The following LTA4H variants were observed in gnomAD, a reference collection of about 807,000 sequenced individuals.
LTA4H encodes the protein leukotriene A-4 hydrolase.
Under a neutral mutation model 89.8 loss-of-function variants are expected in LTA4H, and 59 were observed. The observed-to-expected ratio is 0.66, with a 90% CI of 0.53 to 0.82. The LOEUF (loss-of-function observed/expected upper bound fraction) is 0.82, where lower values mean the gene tolerates loss of function less well. Ranked by LOEUF, LTA4H falls within the 40% of genes least tolerant of loss-of-function variation. The pLI is 0.00. For missense variants in LTA4H, 617 were observed against 727.0 expected, an observed-to-expected ratio of 0.85 and a Z score of 1.74; for synonymous variants, 227 against 253.1, an observed-to-expected ratio of 0.90 and a Z score of 0.98.
At chr12:96,041,340 C>T (rs1485886897) in intron 1 of LTA4H, among the ~76,000 whole-genome samples, 3 of 152,058 alleles carry the variant, frequency 2.0e-5, no homozygotes, top group African/African-American at 7.2e-5. Context: ...TGGAAGACTG[C>T]AGCAGTACCT....
intron 15 of LTA4H, among the ~76,000 whole-genome samples, chr12:96,007,080 C>T (rs1950214242): frequency 6.6e-6 from 1 of 152,114 alleles, no homozygotes; most frequent in South Asian, 2.1e-4. Flanking sequence ...TCAAATAGGA[C>T]AGAAGGAAAA....
At chr12:96,037,468 CGAAGTAA>C (rs1950658036), upstream of LTA4H, among the ~76,000 whole-genome samples, 1 of 152,050 alleles carries the variant, frequency 6.6e-6, no homozygotes, top group Non-Finnish European at 1.5e-5. Flanking sequence ...CGAGGACCAC[CGAAGTAA>C]GAAGTGAAAA....
intron 1 of LTA4H, chr12:96,043,227 G>T (rs1950701529): frequency 8.4e-7 from 1 of 1,184,246 alleles, no homozygotes. Context: ...TGAATTGAAG[G>T]GGTAGGCAGG....
Position 96,000,882 on chromosome 12 carries a change from A to G in LTA4H, c.*107T>C, listed in dbSNP as rs1374758318. 5.1e-6 allele frequency: 4 copies of G among 782,554 alleles called. No homozygotes were observed. The highest frequency in any genetic ancestry group is 1.7e-5 in the African/African-American group (1 of 58,038). The allele number at this position is 782,554 out of a possible 1,614,324, so 48.5% of individuals were successfully genotyped here. ...AGTAAAATCACCAACAAAACAATAA[A>G]AAGCCAAAACTAAAAAGACAGTTTT... is the stretch of plus-strand genomic sequence containing the variant. On this transcript the variant is annotated 3_prime_UTR_variant, in exon 19 of 19. Transcript: ENST00000228740.
chr12:96,021,644 C>A (rs1235665445), intron 5 of LTA4H, among the ~76,000 whole-genome samples: 1 of 150,592 alleles, frequency 6.6e-6, no homozygotes, highest in Non-Finnish European at 1.5e-5. Context: ...GTCAAATTAT[C>A]CATTGTGAGG....
chr12:96,040,237 A>T (rs1566021706), upstream of LTA4H, among the ~76,000 whole-genome samples: 1 of 152,230 alleles, frequency 6.6e-6, no homozygotes, highest in Non-Finnish European at 1.5e-5. Context: ...ACAATTCTGA[A>T]GGTACAAAGT....
At chr12:96,003,804 C>A in intron 17 of LTA4H, 34 bp downstream of exon 17, 1 of 1,499,220 alleles carries the variant, frequency 6.7e-7, no homozygotes, top group Admixed American at 1.7e-5. Context: ...TAGTTTTCTG[C>A]TTTCTTCCAC....
chr12:96,003,167 A>C (rs1950136614), intron 17 of LTA4H, 103 bp from the exon 18 acceptor site: 1 of 719,226 alleles, frequency 1.4e-6, no homozygotes, highest in Non-Finnish European at 2.4e-6. Context: ...GAATAACCCC[A>C]CTATAGTTAT....
At chr12:96,004,048 A>C in intron 16 of LTA4H, 128 bp from the exon 17 acceptor site, 1 of 444,884 alleles carries the variant, frequency 2.2e-6, no homozygotes, top group Non-Finnish European at 3.9e-6. Flanking sequence ...AGTCAGATAA[A>C]AATAAAAGAA....
Position 96,022,344 on chromosome 12 carries a change from G to T in LTA4H, c.481-93C>A, listed in dbSNP as rs922989206. 1.3e-6 allele frequency: 1 copy of T among 783,870 alleles called. No individual in the cohort carries two copies. The highest frequency in any genetic ancestry group is 2.1e-6 in the Non-Finnish European group (1 of 478,814). The allele number at this position is 783,870 out of a possible 1,614,324, so 48.6% of individuals were successfully genotyped here. ...AAAATAACCTTTTCTTCCCATTCTT[G>T]ACTATCTAATAAACAGACTATGAAC... On this transcript the variant is annotated intron_variant, in intron 4 of 18. Coordinates refer to ENST00000228740, the MANE Select transcript of LTA4H (RefSeq NM_000895.3). The surrounding 1 kb of genome is among the most constrained non-coding windows in gnomAD (Gnocchi z 4.0).
At chr12:96,006,257 A>G in intron 16 of LTA4H, 57 bp downstream of exon 16, 2 of 1,083,924 alleles carry the variant, frequency 1.8e-6, no homozygotes, top group Non-Finnish European at 2.7e-6. Context: ...TGGGTAGAAC[A>G]TAAATGCTGT....
At chr12:96,042,184 G>A (rs1388316459) in intron 1 of LTA4H, among the ~76,000 whole-genome samples, 1 of 151,750 alleles carries the variant, frequency 6.6e-6, no homozygotes, top group Admixed American at 6.6e-5. Context: ...TTGTTTGTTT[G>A]TAGTGACAGG....
intron 1 of LTA4H, among the ~76,000 whole-genome samples, chr12:96,032,211 C>T (rs1391580118): frequency 6.6e-6 from 1 of 152,144 alleles, no homozygotes; most frequent in Non-Finnish European, 1.5e-5. Flanking sequence ...TGTAAATAAC[C>T]CAAAACTTGA....
intron 14 of LTA4H, chr12:96,011,794 CT>C (rs1161910041): frequency 3.9e-5 from 6 of 152,156 alleles, no homozygotes; most frequent in Non-Finnish European, 8.8e-5. Context: ...CCCCAAACGT[CT>C]CTTCTCTCAG....
chr12:96,035,474 C>A lies in LTA4H; in HGVS notation c.46G>T (p.Val16Phe). 4 of 1,608,870 alleles carry A rather than the reference C, an allele frequency of 2.5e-6. No homozygotes were observed. The South Asian group carries it at 4.4e-5, about 18-fold the overall frequency. The change falls in exon 1 of 19, where the codon GTC becomes TTC. Residue 16 changes from valine to phenylalanine, a missense_variant. By Grantham distance (50) the Val-to-Phe change is conservative. This residue lies in a region of LTA4H where 155 missense variants were observed against 143.3 expected (regional missense o/e 1.08). Transcript: ENST00000228740. ...AGGTGCAGGTGCTTGGTCCGGCAGA[C>A]GGAAGCCGGAGAGGCCAACGAACAG... ...DTCSLASPAS[V>F]CRTKHLHLRC...
chr12:96,002,678 T>C (rs763692355), intron 18 of LTA4H, among the ~76,000 whole-genome samples: 3 of 152,206 alleles, frequency 2.0e-5, no homozygotes, highest in Non-Finnish European at 4.4e-5. Flanking sequence ...TAGTTACCTT[T>C]AAAAATCTTT....
At position 96,035,422 on chromosome 12, in the gene LTA4H, C is replaced by G. The variant is rs1463593083; in HGVS notation, c.98G>C (p.Arg33Pro). 3 of 1,610,680 alleles carry G rather than the reference C, an allele frequency of 1.9e-6. No individual in the cohort carries two copies. The highest frequency in any genetic ancestry group is 1.3e-5 in the African/African-American group (1 of 74,838). Residue 33 changes from arginine (R) to proline (P), a missense_variant, in exon 1 of 19, where the codon CGG becomes CCG. By Grantham distance (103) the Arg-to-Pro change is moderately radical. Coordinates refer to ENST00000228740, the MANE Select transcript of LTA4H (RefSeq NM_000895.3). The part of the protein sequence containing the change: ...HLRCSVDFTR[R>P]TLTGTAALTV... ...GAGAGCAGCAGTCCCGGTCAGCGTC[C>G]GGCGAGTAAAGTCGACGCTGCAGCG...
chr12:96,019,793 G>C (rs57218504), intron 6 of LTA4H, among the ~76,000 whole-genome samples: 9,460 of 149,872 alleles, frequency 0.063, 369 homozygotes, highest in Middle Eastern at 0.13. Flanking sequence ...GTAGAGACAG[G>C]GTTTCACTGT....
intron 18 of LTA4H, 128 bp from the exon 19 acceptor site, chr12:96,001,234 T>G: frequency 4.7e-6 from 3 of 641,932 alleles, no homozygotes; most frequent in Non-Finnish European, 8.4e-6. Context: ...AGAAAGAGAA[T>G]AAGAACACAA....
Sources: allele counts gnomAD v4.1 joint callset (sites outside exome capture counted in the v4.1 genomes callset), GRCh38; gene constraint gnomAD v4.1.1; regional missense constraint gnomAD v4.1.1; non-coding constraint Gnocchi (gnomAD v3.1); transcripts MANE v1.5; gene names NCBI Gene and HGNC (gene_info 2026-07-23, HGNC 2026-07-21).